Variants in BRAF observed in about 807,000 individuals in gnomAD.
BRAF encodes B-Raf proto-oncogene, serine/threonine kinase.
Under a neutral mutation model 104.6 loss-of-function variants are expected in BRAF, and 16 were observed. That is an observed-to-expected ratio of 0.15 (90% CI 0.10 to 0.23). The LOEUF (loss-of-function observed/expected upper bound fraction) is 0.23. Among genes scored for constraint, BRAF ranks in the 10% least tolerant of loss-of-function variants. The pLI is 1.00. For missense variants in BRAF, 541 were observed against 937.3 expected, an observed-to-expected ratio of 0.58 and a Z score of 5.52; for synonymous variants, 310 against 341.6, an observed-to-expected ratio of 0.91 and a Z score of 1.02.
chr7:140,845,772 G>A (rs973330816), intron 2 of BRAF, among the ~76,000 whole-genome samples: 1 of 152,088 alleles, frequency 6.6e-6, no homozygotes, highest in Non-Finnish European at 1.5e-5. Flanking sequence ...TCTTCTCCTG[G>A]ATTCAAGCGA....
chr7:140,775,251 T>C (rs1190110975), intron 14 of BRAF, among the ~76,000 whole-genome samples: 2 of 152,214 alleles, frequency 1.3e-5, no homozygotes, highest in South Asian at 4.1e-4. Context: ...GCTGAAGAAA[T>C]TGCAAAGAGA....
Position 140,723,028 on chromosome 7 carries a change from G to A in BRAF, c.*3466C>T. The A allele has an allele frequency of 1.9e-6, 2 of 1,052,290 alleles. No individual in the cohort carries two copies. Among genetic ancestry groups the A allele is most frequent in the Non-Finnish European group, 2.3e-6 (2 of 871,188 alleles). The allele number at this position is 1,052,290 out of a possible 1,614,324, so 65.2% of individuals were successfully genotyped here. A position where few individuals can be genotyped will look rare whatever the true frequency, so the allele number is the denominator to read the frequency against. On this transcript the variant is annotated 3_prime_UTR_variant, in exon 20 of 20. Transcript: ENST00000644969. The stretch of plus-strand genomic sequence containing the variant: ...ATCATCGTCATGTTCTAGAGCTCCT[G>A]ACTTTTCATATTTTAAAATAAATAA...
chr7:140,841,393 T>C (rs1464118112), intron 2 of BRAF, among the ~76,000 whole-genome samples: 1 of 152,144 alleles, frequency 6.6e-6, no homozygotes, highest in Admixed American at 6.6e-5. Context: ...TTCCTAGGCA[T>C]ACAGCCAGGA....
intron 8 of BRAF, among the ~76,000 whole-genome samples, chr7:140,794,020 A>G (rs1802272790): frequency 6.6e-6 from 1 of 152,202 alleles, no homozygotes; most frequent in South Asian, 2.1e-4. Flanking sequence ...GGCTTCTATC[A>G]GTCCTTTGAT....
intron 14 of BRAF, among the ~76,000 whole-genome samples, chr7:140,763,245 C>A (rs938161498): frequency 5.3e-5 from 8 of 151,672 alleles, no homozygotes; most frequent in Non-Finnish European, 7.4e-5. Context: ...GGCTGACCCC[C>A]CAACCTCCCT....
At chr7:140,888,907 G>C (rs1040324792) in intron 1 of BRAF, among the ~76,000 whole-genome samples, 1 of 152,068 alleles carries the variant, frequency 6.6e-6, no homozygotes, top group Middle Eastern at 3.4e-3. Context: ...ATTTGGAAAT[G>C]TCTCCCGGCA....
chr7:140,810,002 C>T (rs553756976), intron 3 of BRAF, among the ~76,000 whole-genome samples: 1 of 152,166 alleles, frequency 6.6e-6, no homozygotes, highest in South Asian at 2.1e-4. Flanking sequence ...AGTGTGAATA[C>T]AGAGGACACA....
intron 5 of BRAF, among the ~76,000 whole-genome samples, chr7:140,802,292 C>CTTTT (rs144953895): frequency 1.1e-4 from 11 of 103,310 alleles, no homozygotes; most frequent in Non-Finnish European, 1.4e-4. Flanking sequence ...ATGTTTGTGT[C>CTTTT]TTTTTTTTTT....
At chr7:140,782,252 C>G (rs1800951175) in intron 11 of BRAF, among the ~76,000 whole-genome samples, 1 of 152,082 alleles carries the variant, frequency 6.6e-6, no homozygotes, top group African/African-American at 2.4e-5. Flanking sequence ...GGGGTATGAG[C>G]AGGAATGTAT....
chr7:140,761,651 A>G (rs1798752658), intron 14 of BRAF, among the ~76,000 whole-genome samples: 1 of 152,298 alleles, frequency 6.6e-6, no homozygotes, highest in South Asian at 2.1e-4. Flanking sequence ...CCCATCTCAC[A>G]TGCAGAGACA....
At chr7:140,750,605 T>C (rs1175933989) in intron 16 of BRAF, among the ~76,000 whole-genome samples, 2 of 152,142 alleles carry the variant, frequency 1.3e-5, no homozygotes, top group African/African-American at 4.8e-5. Flanking sequence ...AAGGAGAAGG[T>C]TGTATCTACT....
intron 1 of BRAF, among the ~76,000 whole-genome samples, chr7:140,871,315 A>G (rs935746078): frequency 6.6e-6 from 1 of 151,784 alleles, no homozygotes; most frequent in African/African-American, 2.4e-5. Context: ...AACCTGGTGG[A>G]AAAGGGTAAT....
In BRAF at chr7:140,924,281, A is replaced by C. The variant is rs1818600168; in HGVS notation, c.138+285T>G. On this transcript the variant is annotated intron_variant, in intron 1 of 19. Coordinates refer to ENST00000644969, the MANE Select transcript of BRAF (RefSeq NM_001374258.1). The surrounding 1 kb of genome is among the most constrained non-coding windows in gnomAD (Gnocchi z 4.2). The stretch of plus-strand genomic sequence containing the variant: ...TCGTGACCTTCTCGGACCAACCCTG[A>C]GTTTCGCCCCCTATTGATAGCCTCC... 6.6e-6 allele frequency among the ~76,000 whole-genome samples: 1 copy of C among 151,996 alleles called. No homozygotes were observed. Among genetic ancestry groups the C allele is most frequent in the Non-Finnish European group, 1.5e-5 (1 of 67,980 alleles).
At chr7:140,800,520 C>T (rs537947727) in intron 6 of BRAF, 39 bp from the exon 7 acceptor site, 26 of 1,613,766 alleles carry the variant, frequency 1.6e-5, no homozygotes, top group African/African-American at 5.3e-5. Flanking sequence ...TTGTGCAAAA[C>T]CCAGAAGCTT....
intron 1 of BRAF, among the ~76,000 whole-genome samples, chr7:140,861,895 G>T (rs1268014833): frequency 6.6e-6 from 1 of 152,088 alleles, no homozygotes; most frequent in Non-Finnish European, 1.5e-5. Flanking sequence ...GATACTGAAG[G>T]AGGAGGATAC....
At chr7:140,761,608 G>A (rs1798744817) in intron 14 of BRAF, among the ~76,000 whole-genome samples, 1 of 152,128 alleles carries the variant, frequency 6.6e-6, no homozygotes, top group Non-Finnish European at 1.5e-5. Context: ...TGGATAAAGA[G>A]TCAAGACCCA....
At chr7:140,769,604 A>G (rs1348465604) in intron 14 of BRAF, among the ~76,000 whole-genome samples, 8 of 152,220 alleles carry the variant, frequency 5.3e-5, no homozygotes, top group African/African-American at 1.9e-4. Context: ...ATGTTGATAC[A>G]TATATAATCC....
chr7:140,924,400 A>G lies in BRAF; in HGVS notation c.138+166T>C, dbSNP rs1356015245. 2.0e-5 allele frequency among the ~76,000 whole-genome samples: 3 copies of G among 152,212 alleles called. No individual in the cohort carries two copies. Among genetic ancestry groups the G allele is most frequent in the African/African-American group, 7.2e-5 (3 of 41,464 alleles). The stretch of plus-strand genomic sequence containing the variant: ...GTGTGTTTACGTAGGAAGGCGCTGC[A>G]TGACGGAGAGGGACACGGGGGCGAT... On this transcript the variant is annotated intron_variant, in intron 1 of 19. Transcript: ENST00000644969. The surrounding 1 kb of genome is among the most constrained non-coding windows in gnomAD (Gnocchi z 4.2).
At chr7:140,732,664 AAAGG>A (rs1407652366) in intron 19 of BRAF, 59 of 152,404 alleles carry the variant, frequency 3.9e-4, no homozygotes, top group African/African-American at 1.4e-3. Flanking sequence ...GTAAAGAAAG[AAAGG>A]AAAGGTGTCA....
Sources: gnomAD v4.1 joint callset for allele counts (sites outside exome capture counted in the v4.1 genomes callset) on GRCh38, gnomAD v4.1.1 for gene constraint, Gnocchi (gnomAD v3.1) non-coding constraint, MANE v1.5 for transcripts, NCBI Gene and HGNC (gene_info 2026-07-23, HGNC 2026-07-21) for gene names.